CNTN5: variants seen among roughly 807,000 people sequenced by gnomAD.
The protein encoded by CNTN5 is contactin 5, also known as contactin-5.
In CNTN5, 77 loss-of-function variants were observed where a neutral mutation model predicts 129.1. The observed-to-expected ratio is 0.60, with a 90% CI of 0.50 to 0.72. The LOEUF (loss-of-function observed/expected upper bound fraction) is 0.72. CNTN5 is among the 30% of genes least tolerant of loss of function. The pLI is 0.00. For missense variants in CNTN5, 1,478 were observed against 1,328.8 expected, an observed-to-expected ratio of 1.11 and a Z score of -1.75; for synonymous variants, 509 against 465.6, an observed-to-expected ratio of 1.09 and a Z score of -1.20.
chr11:99,274,255 C>G (rs1165556216), intron 1 of CNTN5, among the ~76,000 whole-genome samples: 6 of 151,662 alleles, frequency 4.0e-5, no homozygotes, highest in Non-Finnish European at 8.8e-5. Flanking sequence ...TTTAAGATCC[C>G]TAATTTGAAT....
chr11:99,239,732 G>A (rs911334029), intron 1 of CNTN5, among the ~76,000 whole-genome samples: 14 of 152,136 alleles, frequency 9.2e-5, no homozygotes, highest in Non-Finnish European at 2.1e-4. Context: ...TCAGCAGATC[G>A]AGACCATCCT....
chr11:99,390,914 AAAC>A (rs1941225133), intron 2 of CNTN5, among the ~76,000 whole-genome samples: 1 of 152,110 alleles, frequency 6.6e-6, no homozygotes, highest in Non-Finnish European at 1.5e-5. Context: ...ATAGTAAATA[AAAC>A]AACTTTTATA....
chr11:99,582,810 T>C (rs903972549), intron 3 of CNTN5, among the ~76,000 whole-genome samples: 1 of 152,232 alleles, frequency 6.6e-6, no homozygotes, highest in Admixed American at 6.5e-5. Context: ...TTCTGAAGCC[T>C]TCCTCTCTCA....
At chr11:100,154,972 C>A (rs1388874509) in intron 13 of CNTN5, among the ~76,000 whole-genome samples, 1 of 152,052 alleles carries the variant, frequency 6.6e-6, no homozygotes, top group Non-Finnish European at 1.5e-5. Flanking sequence ...CTGTAGGTTG[C>A]CTGTTCACTC....
chr11:99,708,081 C>T (rs1037632283), intron 3 of CNTN5, among the ~76,000 whole-genome samples: 28 of 151,612 alleles, frequency 1.8e-4, no homozygotes, highest in African/African-American at 6.5e-4. Context: ...GAGCGACCTT[C>T]AGAGGTCAAA....
chr11:100,257,905 C>T (rs1950110471), intron 17 of CNTN5, among the ~76,000 whole-genome samples: 2 of 152,078 alleles, frequency 1.3e-5, no homozygotes, highest in Admixed American at 6.6e-5. Flanking sequence ...CACAACTCCT[C>T]GCCAGCAAGG....
At chr11:99,424,596 G>C (rs1943038725) in intron 2 of CNTN5, among the ~76,000 whole-genome samples, 1 of 152,260 alleles carries the variant, frequency 6.6e-6, no homozygotes, top group Admixed American at 6.5e-5. Context: ...CGTAATGTAA[G>C]TGGCATGCAC....
At chr11:99,287,654 C>A (rs1863994788) in intron 1 of CNTN5, among the ~76,000 whole-genome samples, 1 of 151,984 alleles carries the variant, frequency 6.6e-6, no homozygotes, top group Non-Finnish European at 1.5e-5. Context: ...AGTTGACACT[C>A]ATCATAGTGA....
chr11:99,350,838 A>G (rs1938246473), intron 2 of CNTN5, among the ~76,000 whole-genome samples: 1 of 152,098 alleles, frequency 6.6e-6, no homozygotes, highest in Non-Finnish European at 1.5e-5. Flanking sequence ...GATGTGTATG[A>G]TAATTTTCTG....
At chr11:99,618,409 G>A (rs1346165946) in intron 3 of CNTN5, among the ~76,000 whole-genome samples, 2 of 152,160 alleles carry the variant, frequency 1.3e-5, no homozygotes, top group Admixed American at 6.5e-5. Context: ...TATATGGTAA[G>A]TATATTGATT....
chr11:100,233,022 G>A (rs1192681382), intron 16 of CNTN5, among the ~76,000 whole-genome samples: 1 of 152,116 alleles, frequency 6.6e-6, no homozygotes, highest in African/African-American at 2.4e-5. Flanking sequence ...GTTTAAGAAT[G>A]TCACTTAAAC....
At chr11:99,723,049 G>T (rs893347646) in intron 3 of CNTN5, among the ~76,000 whole-genome samples, 14 of 151,400 alleles carry the variant, frequency 9.2e-5, no homozygotes, top group African/African-American at 3.4e-4. Flanking sequence ...GCTATATTTA[G>T]ACTCCATGGG....
intron 8 of CNTN5, among the ~76,000 whole-genome samples, chr11:99,972,872 A>C (rs1008771094): frequency 3.0e-4 from 45 of 151,942 alleles, no homozygotes; most frequent in African/African-American, 1.0e-3. Flanking sequence ...TTTCCACAGT[A>C]CTCCCAGATA....
chr11:99,120,427 T>A (rs1216085815), intron 1 of CNTN5: 1 of 152,164 alleles, frequency 6.6e-6, no homozygotes, highest in Non-Finnish European at 1.5e-5. Context: ...ATGCTATTAG[T>A]CTTGTGAATA....
intron 1 of CNTN5, among the ~76,000 whole-genome samples, chr11:99,230,184 T>A (rs77134941): frequency 0.017 from 2,646 of 152,120 alleles, 42 homozygotes; most frequent in African/African-American, 0.038. Context: ...ATAAAATATA[T>A]TTTTTATATA....
At chr11:99,598,485 TCTTC>T (rs1386293252) in intron 3 of CNTN5, among the ~76,000 whole-genome samples, 1 of 145,074 alleles carries the variant, frequency 6.9e-6, no homozygotes, top group Admixed American at 6.9e-5. Flanking sequence ...TTCCTTCCCT[TCTTC>T]CTTCCTTTCT....
At chr11:99,951,672 T>C (rs1470021610) in intron 7 of CNTN5, among the ~76,000 whole-genome samples, 1 of 152,138 alleles carries the variant, frequency 6.6e-6, no homozygotes, top group East Asian at 1.9e-4. Context: ...TTTGTAAAAA[T>C]GATCTTTTTC....
At chr11:100,248,407 A>G (rs1278328009) in intron 16 of CNTN5, among the ~76,000 whole-genome samples, 2 of 151,992 alleles carry the variant, frequency 1.3e-5, no homozygotes, top group Admixed American at 1.3e-4. Context: ...TTAGCTGGGC[A>G]TGGTGGCATG....
intron 3 of CNTN5, among the ~76,000 whole-genome samples, chr11:99,779,270 A>G (rs910744504): frequency 1.6e-4 from 25 of 152,008 alleles, no homozygotes; most frequent in African/African-American, 3.1e-4. Context: ...AATTAAATGT[A>G]TAACTCTCAT....
Sources: allele counts gnomAD v4.1 joint callset (sites outside exome capture counted in the v4.1 genomes callset), GRCh38; gene constraint gnomAD v4.1.1; transcripts MANE v1.5; gene names NCBI Gene and HGNC (gene_info 2026-07-23, HGNC 2026-07-21).